Variants in LCLAT1 observed in about 807,000 individuals in gnomAD.
LCLAT1 encodes lysocardiolipin acyltransferase 1.
In LCLAT1, 11 loss-of-function variants were observed where a neutral mutation model predicts 30.7. That is an observed-to-expected ratio of 0.36 (90% CI 0.23 to 0.59). LCLAT1 has a LOEUF of 0.59. Ranked by LOEUF, LCLAT1 falls within the 20% of genes least tolerant of loss-of-function variation. The pLI is 0.77. For missense variants in LCLAT1, 402 were observed against 458.6 expected, an observed-to-expected ratio of 0.88 and a Z score of 1.13; for synonymous variants, 155 against 151.3, an observed-to-expected ratio of 1.02 and a Z score of -0.18.
intron 1 of LCLAT1, among the ~76,000 whole-genome samples, chr2:30,497,380 A>G (rs1441240823): frequency 6.6e-6 from 1 of 152,196 alleles, no homozygotes; most frequent in African/African-American, 2.4e-5. Flanking sequence ...CTTTTTTATC[A>G]GGATTCTAGG....
intron 3 of LCLAT1, among the ~76,000 whole-genome samples, chr2:30,559,274 G>C (rs1291621941): frequency 6.6e-6 from 1 of 152,140 alleles, no homozygotes; most frequent in Non-Finnish European, 1.5e-5. Context: ...AGGCATATAT[G>C]TATATGTGAC....
At chr2:30,621,985 C>T (rs920960112) in intron 5 of LCLAT1, among the ~76,000 whole-genome samples, 2 of 152,162 alleles carry the variant, frequency 1.3e-5, no homozygotes, top group African/African-American at 2.4e-5. Flanking sequence ...AACCTGAAAG[C>T]CCTGCTTGCT....
chr2:30,598,566 C>CTATT (rs1409022399), intron 5 of LCLAT1, among the ~76,000 whole-genome samples: 4 of 151,886 alleles, frequency 2.6e-5, no homozygotes, highest in African/African-American at 9.7e-5. Context: ...AGCTAGCAGT[C>CTATT]TATTTTATTA....
intron 5 of LCLAT1, among the ~76,000 whole-genome samples, chr2:30,632,608 A>G (rs1319952939): frequency 6.6e-6 from 1 of 152,244 alleles, no homozygotes; most frequent in Non-Finnish European, 1.5e-5. Context: ...ATCAAGTGGT[A>G]ATGGTGATTA....
chr2:30,497,035 A>C (rs1434698268), intron 1 of LCLAT1, among the ~76,000 whole-genome samples: 1 of 152,238 alleles, frequency 6.6e-6, no homozygotes, highest in Non-Finnish European at 1.5e-5. Flanking sequence ...GCTAAGTTTC[A>C]TGAGACTTCT....
At chr2:30,507,990 G>C (rs1220590964) in intron 1 of LCLAT1, among the ~76,000 whole-genome samples, 1 of 152,146 alleles carries the variant, frequency 6.6e-6, no homozygotes, top group Non-Finnish European at 1.5e-5. Context: ...CATTCTGACT[G>C]GTGTGAAATG....
intron 1 of LCLAT1, among the ~76,000 whole-genome samples, chr2:30,477,575 C>T (rs1247305442): frequency 1.3e-5 from 2 of 152,150 alleles, no homozygotes; most frequent in Non-Finnish European, 2.9e-5. Context: ...CCCTAATGGC[C>T]TGAGCACCCC....
Position 30,623,300 on chromosome 2 carries a change from C to G in LCLAT1, c.629-16817C>G, listed in dbSNP as rs534091589. ...CGATCTCCTGACCTTGTGATCCACC[C>G]GCCTTGGCCTCCCAAAGTGCTGGGA... On this transcript the variant is annotated intron_variant, in intron 5 of 5. Transcript: ENST00000379509. 2.6e-5 allele frequency among the ~76,000 whole-genome samples: 4 copies of G among 152,186 alleles called. No homozygotes were observed. In the South Asian group the frequency reaches 8.3e-4, roughly 32 times the overall value.
intron 3 of LCLAT1, among the ~76,000 whole-genome samples, chr2:30,535,512 C>T (rs1686201440): frequency 6.6e-6 from 1 of 152,210 alleles, no homozygotes. Context: ...CAAACAGCTG[C>T]AGCCTAGGCC....
At chr2:30,545,872 A>G (rs1417975265) in intron 3 of LCLAT1, among the ~76,000 whole-genome samples, 1 of 152,192 alleles carries the variant, frequency 6.6e-6, no homozygotes, top group Non-Finnish European at 1.5e-5. Context: ...CTGTAGAGTG[A>G]GAAAAGAGTT....
At chr2:30,562,899 G>A (rs935383849) in intron 4 of LCLAT1, among the ~76,000 whole-genome samples, 1 of 152,036 alleles carries the variant, frequency 6.6e-6, no homozygotes, top group Non-Finnish European at 1.5e-5. Flanking sequence ...GTTGATTTAC[G>A]TTAATAGGTT....
chr2:30,558,400 G>A (rs1665031292), intron 3 of LCLAT1, among the ~76,000 whole-genome samples: 1 of 152,032 alleles, frequency 6.6e-6, no homozygotes, highest in African/African-American at 2.4e-5. Context: ...AGGAGTTTGA[G>A]ACCAGCCTGG....
rs1669441324 is a variant in LCLAT1, at chr2:30,643,996, T to C, written c.*3377T>C. On this transcript the variant is annotated 3_prime_UTR_variant, in exon 6 of 6. Coordinates refer to ENST00000379509, the MANE Select transcript of LCLAT1 (RefSeq NM_001002257.3). ...AAAATGGTTTTGCTACCTGATAAGC[T>C]TCAGATTAGATATAGCCCTAAAGTT... is the stretch of plus-strand genomic sequence containing the variant. 6.6e-6 allele frequency: 1 copy of C among 152,372 alleles called. No homozygotes were observed. Among genetic ancestry groups the C allele is most frequent in the Non-Finnish European group, 1.5e-5 (1 of 68,038 alleles). The allele number at this position is 152,372 out of a possible 1,614,324, so 9.4% of individuals were successfully genotyped here.
At chr2:30,588,744 G>A (rs1260971626) in intron 5 of LCLAT1, among the ~76,000 whole-genome samples, 2 of 152,038 alleles carry the variant, frequency 1.3e-5, no homozygotes, top group Non-Finnish European at 2.9e-5. Flanking sequence ...GGGATTACAG[G>A]CACGTGCCAC....
intron 4 of LCLAT1, 59 bp downstream of exon 4, chr2:30,562,351 C>A: frequency 7.3e-7 from 1 of 1,378,174 alleles, no homozygotes; most frequent in South Asian, 1.5e-5. Context: ...TCTCATTTCT[C>A]AGATGAAGTA....
chr2:30,614,923 G>C (rs1667922152), intron 5 of LCLAT1, among the ~76,000 whole-genome samples: 1 of 152,062 alleles, frequency 6.6e-6, no homozygotes, highest in African/African-American at 2.4e-5. Context: ...AGGTGACCAG[G>C]AAGCCAAGAG....
chr2:30,627,345 C>T (rs1296756166), intron 5 of LCLAT1, among the ~76,000 whole-genome samples: 1 of 152,186 alleles, frequency 6.6e-6, no homozygotes, highest in Non-Finnish European at 1.5e-5. Flanking sequence ...TGGTCCCCTT[C>T]CCCACTTAAG....
Position 30,562,150 on chromosome 2 carries a change from G to C in LCLAT1, c.369G>C (p.Trp123Cys). The C allele has an allele frequency of 6.2e-7, 1 of 1,603,806 alleles. No homozygotes were observed. Among genetic ancestry groups the C allele is most frequent in the Non-Finnish European group, 8.5e-7 (1 of 1,173,042 alleles). ...ASLKGVPGFG[W>C]AMQAAAYIFI... ...TTATTGTTAAATTGATTCTAGGTTG[G>C]GCCATGCAGGCTGCTGCCTATATCT... Residue 123 changes from tryptophan to cysteine, a missense_variant, in exon 4 of 6, where the codon TGG becomes TGC. Transcript: ENST00000379509.
At position 30,565,300 on chromosome 2, in the gene LCLAT1, T is replaced by G. The variant is rs555700705; in HGVS notation, c.512-2760T>G. On this transcript the variant is annotated intron_variant, in intron 4 of 5. Transcript: ENST00000379509. ...CAAAGGCAGTCTAGAGGCAGAATTCTTTCTTCCTTGTTGGGGAGAGGAGGG... is the reference window on the plus strand; with the variant it reads ...CAAAGGCAGTCTAGAGGCAGAATTCGTTCTTCCTTGTTGGGGAGAGGAGGG... Among the ~76,000 whole-genome samples the G allele has an allele frequency of 4.6e-5, 7 of 152,300 alleles. No individual in the cohort carries two copies. The South Asian group carries it at 1.5e-3, about 32-fold the overall frequency.
Sources: allele counts gnomAD v4.1 joint callset (sites outside exome capture counted in the v4.1 genomes callset), GRCh38; gene constraint gnomAD v4.1.1; transcripts MANE v1.5; gene names NCBI Gene and HGNC (gene_info 2026-07-23, HGNC 2026-07-21).